Variants in TBCD observed in about 807,000 individuals in gnomAD.
TBCD encodes the protein tubulin folding cofactor D.
Under a neutral mutation model 169.3 loss-of-function variants are expected in TBCD, and 105 were observed. That is an observed-to-expected ratio of 0.62 (90% CI 0.53 to 0.73). The LOEUF (loss-of-function observed/expected upper bound fraction) is 0.73, where lower values mean the gene tolerates loss of function less well. Ranked by LOEUF, TBCD falls within the 30% of genes least tolerant of loss-of-function variation. The probability of loss-of-function intolerance (pLI) is 0.00; values close to 1 mark genes in which losing one functional copy is unlikely to be tolerated. For synonymous variants in TBCD, 700 were observed against 643.9 expected, an observed-to-expected ratio of 1.09 and a Z score of -1.32; for missense variants, 1,444 against 1,600.1, an observed-to-expected ratio of 0.90 and a Z score of 1.66.
chr17:82,878,184 G>C (rs781580690), intron 14 of TBCD, among the ~76,000 whole-genome samples: 2 of 152,228 alleles, frequency 1.3e-5, no homozygotes, highest in Non-Finnish European at 2.9e-5. Context: ...CATGGCATCT[G>C]GTGGTCCTGT....
At chr17:82,860,920 C>T (rs992351959) in intron 13 of TBCD, among the ~76,000 whole-genome samples, 3 of 152,148 alleles carry the variant, frequency 2.0e-5, no homozygotes, top group Admixed American at 6.5e-5. Context: ...GGGCGGCCAC[C>T]GCATCCGGCC....
intron 9 of TBCD, among the ~76,000 whole-genome samples, chr17:82,805,052 G>A (rs1446891883): frequency 2.6e-5 from 4 of 152,238 alleles, no homozygotes; most frequent in African/African-American, 9.6e-5. Context: ...GCATGAGACC[G>A]GGGAAGCAGG....
intron 19 of TBCD, among the ~76,000 whole-genome samples, chr17:82,904,901 C>T (rs1225605391): frequency 2.0e-5 from 3 of 152,148 alleles, no homozygotes; most frequent in East Asian, 1.9e-4. Flanking sequence ...TTGAAGAGCA[C>T]GGACACCCAG....
chr17:82,757,621 CA>C (rs537412069), intron 2 of TBCD, among the ~76,000 whole-genome samples: 180 of 71,478 alleles, frequency 2.5e-3, no homozygotes, highest in Admixed American at 4.1e-3. Flanking sequence ...GACTTCATCT[CA>C]AAAAAAAAAA....
In TBCD at chr17:82,934,917, G is replaced by A. The variant is rs180780348; in HGVS notation, c.3191+2182G>A. 1.2e-3 allele frequency among the ~76,000 whole-genome samples: 186 copies of A among 152,254 alleles called. 1 individual carries two copies. The highest frequency in any genetic ancestry group is 4.2e-3 in the African/African-American group (175 of 41,576). On this transcript the variant is annotated intron_variant, in intron 34 of 38. Coordinates refer to ENST00000355528, the MANE Select transcript of TBCD (RefSeq NM_005993.5). ...AGTTTGAGACCAGCCTGGCCAACTT[G>A]GTGAAACCCCATCTCTACAAAAAAT...
chr17:82,776,865 TAAACA>T (rs1390099159), intron 6 of TBCD, among the ~76,000 whole-genome samples: 3 of 152,120 alleles, frequency 2.0e-5, no homozygotes, highest in African/African-American at 7.2e-5. Context: ...CAAATTGGAT[TAAACA>T]TGGTGTCGCT....
intron 6 of TBCD, among the ~76,000 whole-genome samples, chr17:82,777,418 A>G (rs116646984): frequency 0.01 from 1,524 of 152,320 alleles, 22 homozygotes; most frequent in African/African-American, 0.035. Context: ...ACTACCACCA[A>G]GTTGCAGAGA....
At position 82,874,813 on chromosome 17, in the gene TBCD, G is replaced by T. The variant is rs2057853513; in HGVS notation, c.1475+4433G>T. Among the ~76,000 whole-genome samples the T allele has an allele frequency of 6.6e-6, 1 of 152,214 alleles. No individual in the cohort carries two copies. Among genetic ancestry groups the T allele is most frequent in the African/African-American group, 2.4e-5 (1 of 41,456 alleles). On this transcript the variant is annotated intron_variant, in intron 14 of 38. Transcript: ENST00000355528. The surrounding 1 kb of genome is among the most constrained non-coding windows in gnomAD (Gnocchi z 5.0). ...CTTCCAGATCTCCCTCCCTTGGTTT[G>T]TCATAGGTGACCACATTTTAATTAC...
chr17:82,859,604 G>A, intron 13 of TBCD: 4 of 985,472 alleles, frequency 4.1e-6, no homozygotes, highest in Non-Finnish European at 4.8e-6. Flanking sequence ...CAGACTCCAA[G>A]TGTGAGCCCT....
At chr17:82,911,078 G>A (rs115052532) in intron 22 of TBCD, among the ~76,000 whole-genome samples, 1 of 152,170 alleles carries the variant, frequency 6.6e-6, no homozygotes, top group Non-Finnish European at 1.5e-5. Context: ...GGGCCTGGAG[G>A]GCTCCTTCAG....
chr17:82,877,255 CT>C (rs1411980113), intron 14 of TBCD, among the ~76,000 whole-genome samples: 5 of 152,130 alleles, frequency 3.3e-5, no homozygotes, highest in African/African-American at 1.2e-4. Flanking sequence ...AAATGAAACT[CT>C]TGTTCATATG....
At position 82,782,135 on chromosome 17, in the gene TBCD, C is replaced by T. The variant is rs1479990870; in HGVS notation, c.771+414C>T. ...TCGGGTTGGATGTTCCTGACTGCTT[C>T]GTTGGGACACAGACCCTGGCCTCTG... On this transcript the variant is annotated intron_variant, in intron 7 of 38. Transcript: ENST00000355528. This position sits in a 1 kb window ranked among gnomAD's most constrained non-coding sequence, Gnocchi z 5.1. Among the ~76,000 whole-genome samples, 1 of 152,228 alleles carries T rather than the reference C, an allele frequency of 6.6e-6. No individual in the cohort carries two copies. The highest frequency in any genetic ancestry group is 1.5e-5 in the Non-Finnish European group (1 of 68,044).
Position 82,923,647 on chromosome 17 carries a change from T to C in TBCD, c.2179-5T>C. ...TGTGCGCTCACCGTGCTGCCTTTGTTTTAGGATGCAGCAGTCTCGGCCCTG... is the reference window on the plus strand; with the variant it reads ...TGTGCGCTCACCGTGCTGCCTTTGTCTTAGGATGCAGCAGTCTCGGCCCTG... On this transcript the variant is annotated splice_polypyrimidine_tract_variant and splice_region_variant and intron_variant, in intron 25 of 38. Transcript: ENST00000355528. This position sits in a 1 kb window ranked among gnomAD's most constrained non-coding sequence, Gnocchi z 4.6. 3.2e-6 allele frequency: 5 copies of C among 1,568,330 alleles called. No homozygotes were observed. Among genetic ancestry groups the C allele is most frequent in the Non-Finnish European group, 4.3e-6 (5 of 1,155,874 alleles).
chr17:82,845,561 C>A, intron 13 of TBCD, among the ~76,000 whole-genome samples: 1 of 151,726 alleles, frequency 6.6e-6, no homozygotes, highest in South Asian at 2.1e-4. Flanking sequence ...GGCCCAGCCC[C>A]TTCCTCTCCG....
In TBCD at chr17:82,760,857, A is replaced by T. The variant is rs575806557; in HGVS notation, c.236-3108A>T. 2.0e-5 allele frequency among the ~76,000 whole-genome samples: 3 copies of T among 152,252 alleles called. No individual in the cohort carries two copies. In the East Asian group the frequency reaches 5.8e-4, roughly 29 times the overall value. On this transcript the variant is annotated intron_variant, in intron 2 of 38. Transcript: ENST00000355528. ...TTGTGTGTATTCAGCATTTTGTGTG[A>T]TGGAATCATGCAGTAGGAGGTCTTT...
chr17:82,785,841 C>T (rs556864642), intron 7 of TBCD, among the ~76,000 whole-genome samples: 76 of 147,908 alleles, frequency 5.1e-4, no homozygotes, highest in Admixed American at 1.3e-3. Flanking sequence ...GGACCCGACC[C>T]ATCGCAGCGG....
rs186932359 is a variant in TBCD at position 82,826,715 on chromosome 17, C to T, written c.1318+11781C>T. Reference sequence around the variant, plus strand: ...ATGGGTGTGTGCCACCATGCCTGGCCGTGAGCCATGCTTTTAACCAGAATA... The same window carrying T: ...ATGGGTGTGTGCCACCATGCCTGGCTGTGAGCCATGCTTTTAACCAGAATA... On this transcript the variant is annotated intron_variant, in intron 13 of 38. Coordinates refer to ENST00000355528, the MANE Select transcript of TBCD (RefSeq NM_005993.5). Among the ~76,000 whole-genome samples, 32 of 152,042 alleles carry T rather than the reference C, an allele frequency of 2.1e-4. No individual in the cohort carries two copies. In the East Asian group the frequency reaches 4.6e-3, roughly 22 times the overall value.
chr17:82,807,097 G>A (rs1300395750), intron 10 of TBCD, among the ~76,000 whole-genome samples: 1 of 152,242 alleles, frequency 6.6e-6, no homozygotes, highest in Non-Finnish European at 1.5e-5. Flanking sequence ...GCCCACAGGC[G>A]AAGGCTTCAC....
At chr17:82,811,241 G>T (rs1598643243) in intron 12 of TBCD, among the ~76,000 whole-genome samples, 1 of 152,212 alleles carries the variant, frequency 6.6e-6, no homozygotes, top group Non-Finnish European at 1.5e-5. Context: ...GCCTGCCTGT[G>T]CCTGTCTGGA....
Sources: gnomAD v4.1 joint callset for allele counts (sites outside exome capture counted in the v4.1 genomes callset) on GRCh38, gnomAD v4.1.1 for gene constraint, Gnocchi (gnomAD v3.1) non-coding constraint, MANE v1.5 for transcripts, NCBI Gene and HGNC (gene_info 2026-07-23, HGNC 2026-07-21) for gene names.